The following KCNIP1 variants were observed in gnomAD, a reference collection of about 807,000 sequenced individuals.
KCNIP1 encodes the protein A-type potassium channel modulatory protein KCNIP1.
Under a neutral mutation model 33.0 loss-of-function variants are expected in KCNIP1, and 18 were observed. The ratio of observed to expected loss-of-function variants is 0.55; its 90% CI spans 0.38 to 0.81. KCNIP1 has a LOEUF of 0.81. Ranked by LOEUF, KCNIP1 falls within the 30% of genes least tolerant of loss-of-function variation. KCNIP1 has a pLI of 0.00. For synonymous variants in KCNIP1, 93 were observed against 98.3 expected (o/e 0.95, Z 0.32); for missense variants, 238 against 271.6 (o/e 0.88, Z 0.87).
intron 1 of KCNIP1, among the ~76,000 whole-genome samples, chr5:170,634,790 AT>A (rs1396521236): frequency 1.3e-5 from 2 of 152,212 alleles, no homozygotes; most frequent in Non-Finnish European, 2.9e-5. Context: ...AATATGATAC[AT>A]TTTGCAATTT....
At chr5:170,475,775 CCTTA>C (rs1377156068) in intron 1 of KCNIP1, among the ~76,000 whole-genome samples, 5 of 152,052 alleles carry the variant, frequency 3.3e-5, no homozygotes, top group Non-Finnish European at 7.4e-5. Flanking sequence ...CCCCCTACTT[CCTTA>C]CTAACAGACC....
chr5:170,580,029 A>G (rs1393509409), intron 1 of KCNIP1, among the ~76,000 whole-genome samples: 1 of 151,842 alleles, frequency 6.6e-6, no homozygotes, highest in African/African-American at 2.4e-5. Context: ...GCTTTCTGTC[A>G]GGCTAGGGTG....
At chr5:170,404,858 A>G (rs1047660256) in intron 1 of KCNIP1, among the ~76,000 whole-genome samples, 1 of 152,170 alleles carries the variant, frequency 6.6e-6, no homozygotes, top group Admixed American at 6.5e-5. Context: ...TTATTATCGC[A>G]TTATGATTTT....
intron 1 of KCNIP1, among the ~76,000 whole-genome samples, chr5:170,559,908 C>T (rs1233725537): frequency 6.6e-6 from 1 of 152,192 alleles, no homozygotes; most frequent in Non-Finnish European, 1.5e-5. Context: ...ACACCTTGAC[C>T]ACATTTCTCA....
intron 1 of KCNIP1, among the ~76,000 whole-genome samples, chr5:170,669,909 G>T (rs1287143487): frequency 3.3e-5 from 5 of 152,128 alleles, no homozygotes; most frequent in Admixed American, 6.5e-5. Flanking sequence ...ATATTAATTT[G>T]AATGTGATGA....
At position 170,415,992 on chromosome 5, in the gene KCNIP1, G is replaced by A. The variant is rs182337248; in HGVS notation, c.88+62028G>A. On this transcript the variant is annotated intron_variant, in intron 1 of 7. Coordinates refer to the KCNIP1 transcript ENST00000377360. ...AGGCTGCTGGGGAGGAGAGGGGAGCGGGATTGGAGAAGGGTGCTCCAAGAG... is the reference window on the plus strand; with the variant it reads ...AGGCTGCTGGGGAGGAGAGGGGAGCAGGATTGGAGAAGGGTGCTCCAAGAG... 3.9e-3 allele frequency among the ~76,000 whole-genome samples: 586 copies of A among 152,184 alleles called. 4 individuals carry two copies. Among genetic ancestry groups the A allele is most frequent in the Non-Finnish European group, 5.4e-3 (369 of 68,004 alleles).
At chr5:170,562,938 A>G (rs1757083799) in intron 1 of KCNIP1, among the ~76,000 whole-genome samples, 1 of 152,166 alleles carries the variant, frequency 6.6e-6, no homozygotes, top group Non-Finnish European at 1.5e-5. Context: ...CTTCTCCTGC[A>G]CTCTGGAAAT....
chr5:170,599,706 G>T (rs1181760478), intron 1 of KCNIP1, among the ~76,000 whole-genome samples: 1 of 151,474 alleles, frequency 6.6e-6, no homozygotes, highest in Non-Finnish European at 1.5e-5. Context: ...CAGAACACTG[G>T]CAGAAGAGGA....
At chr5:170,732,551 C>T (rs1166013015) in intron 5 of KCNIP1, among the ~76,000 whole-genome samples, 2 of 152,068 alleles carry the variant, frequency 1.3e-5, no homozygotes, top group Non-Finnish European at 2.9e-5. Context: ...GAAGACAATG[C>T]CCATAACAAG....
chr5:170,629,406 C>T (rs920526720), intron 1 of KCNIP1, among the ~76,000 whole-genome samples: 2 of 152,232 alleles, frequency 1.3e-5, no homozygotes, highest in African/African-American at 4.8e-5. Flanking sequence ...ACCTGCTCCA[C>T]CCTTAGAGGG....
chr5:170,394,264 G>C (rs939707028), intron 1 of KCNIP1, among the ~76,000 whole-genome samples: 7 of 152,142 alleles, frequency 4.6e-5, no homozygotes, highest in Non-Finnish European at 1.5e-5. Context: ...CCGCATGCTG[G>C]GAGCACCGCA....
chr5:170,649,765 A>T (rs1188755363), intron 1 of KCNIP1, among the ~76,000 whole-genome samples: 6 of 152,162 alleles, frequency 3.9e-5, no homozygotes, highest in African/African-American at 1.4e-4. Context: ...CCAAGCAGGT[A>T]CCCAGGCCTT....
At chr5:170,608,222 G>A (rs911186447) in intron 1 of KCNIP1, among the ~76,000 whole-genome samples, 5 of 152,264 alleles carry the variant, frequency 3.3e-5, no homozygotes, top group East Asian at 3.9e-4. Flanking sequence ...CCTCAGAGCC[G>A]AAAAGCAAAC....
chr5:170,621,996 C>T (rs980531513), intron 1 of KCNIP1, among the ~76,000 whole-genome samples: 4 of 152,116 alleles, frequency 2.6e-5, no homozygotes, highest in Non-Finnish European at 5.9e-5. Context: ...TGCAAGCAGC[C>T]GTGTGACTTG....
chr5:170,438,509 G>A (rs1443411536), intron 1 of KCNIP1, among the ~76,000 whole-genome samples: 3 of 152,096 alleles, frequency 2.0e-5, no homozygotes, highest in Admixed American at 6.5e-5. Context: ...AATTGCCCAC[G>A]GACCTGCCCA....
chr5:170,729,003 T>C (rs1247804258), intron 5 of KCNIP1, among the ~76,000 whole-genome samples: 1 of 152,068 alleles, frequency 6.6e-6, no homozygotes, highest in East Asian at 1.9e-4. Context: ...TCTTGGTTCA[T>C]AATAAAGGGA....
chr5:170,490,154 T>C (rs1351179737), intron 1 of KCNIP1, among the ~76,000 whole-genome samples: 1 of 152,226 alleles, frequency 6.6e-6, no homozygotes, highest in Non-Finnish European at 1.5e-5. Flanking sequence ...TGACCATGAC[T>C]GAGTTGTTTA....
intron 1 of KCNIP1, among the ~76,000 whole-genome samples, chr5:170,440,134 C>T (rs80270078): frequency 1.3e-5 from 2 of 152,174 alleles, no homozygotes; most frequent in African/African-American, 4.8e-5. Context: ...GGTAAGACCA[C>T]GTGAAGACAC....
intron 1 of KCNIP1, among the ~76,000 whole-genome samples, chr5:170,625,051 TTGATGAACATCCCATGTCCC>T (rs1759769925): frequency 6.6e-6 from 1 of 152,102 alleles, no homozygotes; most frequent in Non-Finnish European, 1.5e-5. Context: ...GAGCTGAGTT[TTGATGAACATCCCATGTCCC>T]CAGCCACCCC....
Sources: gnomAD v4.1 joint callset for allele counts (sites outside exome capture counted in the v4.1 genomes callset) on GRCh38, gnomAD v4.1.1 for gene constraint, MANE v1.5 for transcripts, NCBI Gene and HGNC (gene_info 2026-07-23, HGNC 2026-07-21) for gene names.